DSCAM: variants seen among roughly 807,000 people sequenced by gnomAD.
DSCAM encodes DS cell adhesion molecule.
DSCAM carries 47 observed loss-of-function variants against 217.7 expected under a neutral mutation model. The observed-to-expected ratio is 0.22, with a 90% CI of 0.17 to 0.28. The LOEUF is 0.28. Among genes scored for constraint, DSCAM ranks in the 10% least tolerant of loss-of-function variants. DSCAM has a pLI of 1.00. For missense variants in DSCAM, 2,080 were observed against 2,618.3 expected (o/e 0.79, Z 4.49); for synonymous variants, 1,056 against 1,015.3 (o/e 1.04, Z -0.76).
Position 40,067,142 on chromosome 21 carries a change from C to T in DSCAM, c.4889-4243G>A, listed in dbSNP as rs78375045. Among the ~76,000 whole-genome samples the T allele has an allele frequency of 4.9e-4, 75 of 152,270 alleles. No individual in the cohort carries two copies. In the East Asian group the frequency reaches 0.012, roughly 25 times the overall value. On this transcript the variant is annotated intron_variant, in intron 27 of 32. Coordinates refer to ENST00000400454, the MANE Select transcript of DSCAM (RefSeq NM_001389.5). ...TTGGGCAAAACTATCTAACACAGAG[C>T]TTATTTTATAATAAGGTGTTGAGTA... is the stretch of plus-strand genomic sequence containing the variant.
At chr21:40,719,244 TAA>T (rs1260494266) in intron 1 of DSCAM, among the ~76,000 whole-genome samples, 1 of 151,982 alleles carries the variant, frequency 6.6e-6, no homozygotes, top group Non-Finnish European at 1.5e-5. Flanking sequence ...AAAAGTAAAT[TAA>T]AAGTACAGTG....
At chr21:40,836,439 T>C (rs1011220693) in intron 1 of DSCAM, among the ~76,000 whole-genome samples, 2 of 152,180 alleles carry the variant, frequency 1.3e-5, no homozygotes, top group Non-Finnish European at 2.9e-5. Context: ...TCTGGCAGGA[T>C]CTACATACCC....
rs113044876 is a variant in DSCAM, at chr21:40,271,658, G to T, written c.2356+4439C>A. Reference sequence around the variant, plus strand: ...CACGCAAATCTGCCTCCACCTTTTGGTTCCTAAACAAGATGGCTACAAGAT... The same window carrying T: ...CACGCAAATCTGCCTCCACCTTTTGTTTCCTAAACAAGATGGCTACAAGAT... On this transcript the variant is annotated intron_variant, in intron 11 of 32. Transcript: ENST00000400454. Among the ~76,000 whole-genome samples the T allele has an allele frequency of 4.5e-3, 679 of 152,236 alleles. 7 individuals carry two copies. Among genetic ancestry groups the T allele is most frequent in the African/African-American group, 0.016 (647 of 41,540 alleles).
chr21:40,117,897 A>AT (rs2089990437), intron 20 of DSCAM, among the ~76,000 whole-genome samples: 1 of 151,690 alleles, frequency 6.6e-6, no homozygotes, highest in African/African-American at 2.4e-5. Flanking sequence ...AACAATAAAC[A>AT]TTTTTACCAA....
At chr21:40,233,675 T>C (rs1372435782) in intron 11 of DSCAM, among the ~76,000 whole-genome samples, 1 of 152,168 alleles carries the variant, frequency 6.6e-6, no homozygotes, top group African/African-American at 2.4e-5. Context: ...GTATGCCCTT[T>C]CATATTTTTC....
chr21:40,297,900 A>G lies in DSCAM; in HGVS notation c.2063-1726T>C, dbSNP rs182277938. Among the ~76,000 whole-genome samples, 53 of 152,226 alleles carry G rather than the reference A, an allele frequency of 3.5e-4. 2 individuals are homozygous for G. The highest frequency in any genetic ancestry group is 3.3e-3 in the Admixed American group (51 of 15,286). ...TTTCCTGTTGGGCAATTTTGTGCAA[A>G]CTGTAAAATGGCTCTTGGTCTCAAT... On this transcript the variant is annotated intron_variant, in intron 9 of 32. Transcript: ENST00000400454.
intron 3 of DSCAM, among the ~76,000 whole-genome samples, chr21:40,529,720 C>T (rs2076427908): frequency 6.6e-6 from 1 of 152,146 alleles, no homozygotes; most frequent in Non-Finnish European, 1.5e-5. Flanking sequence ...GAAGAATGTA[C>T]ATAACCACCT....
chr21:40,201,352 A>G (rs571510845), intron 11 of DSCAM, among the ~76,000 whole-genome samples: 1 of 148,562 alleles, frequency 6.7e-6, no homozygotes, highest in Non-Finnish European at 1.5e-5. Context: ...TCTAACTCGC[A>G]TGGAGGCAGG....
chr21:40,528,347 C>T (rs187889060), intron 3 of DSCAM, among the ~76,000 whole-genome samples: 37 of 152,276 alleles, frequency 2.4e-4, no homozygotes, highest in Admixed American at 5.9e-4. Context: ...CTCCAGTTCT[C>T]ATAATATACT....
intron 3 of DSCAM, among the ~76,000 whole-genome samples, chr21:40,437,679 C>T (rs191848873): frequency 1.3e-5 from 2 of 152,022 alleles, no homozygotes; most frequent in East Asian, 1.9e-4. Flanking sequence ...GGTGAGACCC[C>T]GTCACTACTA....
At chr21:40,049,294 C>T (rs2146492166) in intron 30 of DSCAM, among the ~76,000 whole-genome samples, 1 of 152,276 alleles carries the variant, frequency 6.6e-6, no homozygotes, top group Middle Eastern at 3.4e-3. Context: ...CTCACCTTTT[C>T]CCTGCCTTTC....
rs147150919 is a variant in DSCAM, at chr21:40,342,307, G to A, written c.1211-2892C>T. Among the ~76,000 whole-genome samples the A allele has an allele frequency of 9.7e-3, 1,471 of 152,018 alleles. 13 individuals are homozygous for A. Among genetic ancestry groups the A allele is most frequent in the Admixed American group, 0.017 (257 of 15,264 alleles). Reference sequence around the variant, plus strand: ...ATATATGACACATATATTTGTGTGTGTATAAAATATTTTATCCCAGTCTGT... The same window carrying A: ...ATATATGACACATATATTTGTGTGTATATAAAATATTTTATCCCAGTCTGT... On this transcript the variant is annotated intron_variant, in intron 6 of 32. Coordinates refer to ENST00000400454, the MANE Select transcript of DSCAM (RefSeq NM_001389.5).
chr21:40,302,292 G>A (rs1426356373), intron 9 of DSCAM, among the ~76,000 whole-genome samples: 4 of 152,012 alleles, frequency 2.6e-5, no homozygotes, highest in Non-Finnish European at 4.4e-5. Flanking sequence ...ACCACGGGGG[G>A]CGGATCTTTC....
At chr21:40,278,426 T>C (rs991021542) in intron 10 of DSCAM, among the ~76,000 whole-genome samples, 10 of 152,132 alleles carry the variant, frequency 6.6e-5, no homozygotes, top group Admixed American at 1.3e-4. Context: ...CAAAATAGCA[T>C]GATTGTGTTT....
chr21:40,523,988 C>T (rs1006107113), intron 3 of DSCAM, among the ~76,000 whole-genome samples: 3 of 152,154 alleles, frequency 2.0e-5, no homozygotes, highest in African/African-American at 7.2e-5. Flanking sequence ...AGGGACTTTT[C>T]CCATTTCAAC....
rs1338496471 is a variant in DSCAM, at chr21:40,628,730, TATCTATCTATCTATCTATC to T, written c.508+64061_508+64079del. Among the ~76,000 whole-genome samples, 145 of 87,086 alleles carry T rather than the reference TATCTATCTATCTATCTATC, an allele frequency of 1.7e-3. 2 individuals are homozygous for T. In the Middle Eastern group the frequency reaches 0.025, roughly 15 times the overall value. 57.1% of individuals were successfully genotyped at this position (87,086 alleles called of 152,430 possible). ...CTATCTATCTATCTATCTATCTATC[TATCTATCTATCTATCTATC>T]TTTTCTTGTGTTTTTTGAGACAGGG... On this transcript the variant is annotated intron_variant, in intron 3 of 32. Transcript: ENST00000400454.
chr21:40,085,573 T>A (rs374496495), intron 23 of DSCAM, 29 bp downstream of exon 23: 2 of 1,453,866 alleles, frequency 1.4e-6, no homozygotes, highest in East Asian at 2.4e-5. Context: ...GTAAAAGATA[T>A]CATTAAAAAG....
intron 3 of DSCAM, among the ~76,000 whole-genome samples, chr21:40,683,573 A>G (rs80202017): frequency 1.0e-3 from 156 of 152,208 alleles, no homozygotes; most frequent in African/African-American, 3.5e-3. Context: ...TACTAAAGAG[A>G]AGCTGTCTGA....
intron 3 of DSCAM, among the ~76,000 whole-genome samples, chr21:40,645,136 CTCT>C (rs761170878): frequency 6.6e-6 from 1 of 152,210 alleles, no homozygotes; most frequent in Non-Finnish European, 1.5e-5. Flanking sequence ...TTAACGTACT[CTCT>C]TCTTGCATCC....
Sources: gnomAD v4.1 joint callset for allele counts (sites outside exome capture counted in the v4.1 genomes callset) on GRCh38, gnomAD v4.1.1 for gene constraint, MANE v1.5 for transcripts, NCBI Gene and HGNC (gene_info 2026-07-23, HGNC 2026-07-21) for gene names.